Variants in KHDRBS2 observed in about 807,000 individuals in gnomAD.
KHDRBS2 encodes the protein KH domain-containing, RNA-binding, signal transduction-associated protein 2.
In KHDRBS2, 26 loss-of-function variants were observed where a neutral mutation model predicts 44.3. That is an observed-to-expected ratio of 0.59 (90% CI 0.43 to 0.81). The LOEUF is 0.81. Ranked by LOEUF, KHDRBS2 falls within the 40% of genes least tolerant of loss-of-function variation. The probability of loss-of-function intolerance (pLI) is 0.00; values close to 1 mark genes in which losing one functional copy is unlikely to be tolerated. For missense variants in KHDRBS2, 476 were observed against 433.1 expected (o/e 1.10, Z -0.88); for synonymous variants, 194 against 151.1 (o/e 1.28, Z -2.08).
chr6:61,994,285 T>C (rs989970696), intron 3 of KHDRBS2, among the ~76,000 whole-genome samples: 2 of 152,190 alleles, frequency 1.3e-5, no homozygotes, highest in South Asian at 4.1e-4. Context: ...TTGACCAGAA[T>C]AGGCATTGGG....
intron 1 of KHDRBS2, among the ~76,000 whole-genome samples, chr6:62,244,840 A>C (rs1400354658): frequency 6.6e-6 from 1 of 152,082 alleles, no homozygotes; most frequent in Non-Finnish European, 1.5e-5. Flanking sequence ...TTCACATTGT[A>C]TCTGCAGACG....
At chr6:62,163,021 G>C (rs1008129908) in intron 2 of KHDRBS2, among the ~76,000 whole-genome samples, 1 of 151,946 alleles carries the variant, frequency 6.6e-6, no homozygotes, top group Non-Finnish European at 1.5e-5. Flanking sequence ...GAGAGGTCTT[G>C]GCTGGATCAG....
the KHDRBS2 span, among the ~76,000 whole-genome samples, chr6:61,627,909 C>T: frequency 1.2e-4 from 19 of 152,174 alleles, no homozygotes; most frequent in African/African-American, 2.4e-4. Context: ...AAAACATAGC[C>T]GGTTGGTCCC....
chr6:61,938,366 G>A (rs1032629978), intron 4 of KHDRBS2, among the ~76,000 whole-genome samples: 1 of 152,126 alleles, frequency 6.6e-6, no homozygotes, highest in African/African-American at 2.4e-5. Flanking sequence ...AGTGTTTCCA[G>A]TTAAAAGAAA....
chr6:61,732,399 A>G (rs972716352), intron 7 of KHDRBS2, among the ~76,000 whole-genome samples: 6 of 152,124 alleles, frequency 3.9e-5, no homozygotes, highest in Admixed American at 6.6e-5. Context: ...TTTTAAAAAA[A>G]TCTAAAAATA....
At chr6:61,585,770 G>T in the KHDRBS2 span, among the ~76,000 whole-genome samples, 1 of 152,038 alleles carries the variant, frequency 6.6e-6, no homozygotes, top group South Asian at 2.1e-4. Flanking sequence ...ACCTCACATA[G>T]TTCATTGCTT....
intron 1 of KHDRBS2, among the ~76,000 whole-genome samples, chr6:62,178,304 G>C (rs997763251): frequency 5.0e-4 from 76 of 151,516 alleles, no homozygotes; most frequent in African/African-American, 1.7e-3. Context: ...TCTTGGAATA[G>C]AAGAAGCAAG....
At chr6:61,767,901 T>C (rs997297141) in intron 6 of KHDRBS2, among the ~76,000 whole-genome samples, 1 of 152,162 alleles carries the variant, frequency 6.6e-6, no homozygotes, top group African/African-American at 2.4e-5. Flanking sequence ...AAGATATGAA[T>C]TATTTATACA....
At chr6:61,983,438 T>C (rs1213440127) in intron 3 of KHDRBS2, among the ~76,000 whole-genome samples, 1 of 151,860 alleles carries the variant, frequency 6.6e-6, no homozygotes, top group Non-Finnish European at 1.5e-5. Context: ...ACTGGCCTGA[T>C]ACTTAGATTA....
chr6:61,641,291 C>T, the KHDRBS2 span, among the ~76,000 whole-genome samples: 1 of 152,198 alleles, frequency 6.6e-6, no homozygotes, highest in Non-Finnish European at 1.5e-5. Context: ...AAAGCTTTCA[C>T]TGGCTCACCA....
chr6:61,868,140 C>G (rs758819784), intron 6 of KHDRBS2, among the ~76,000 whole-genome samples: 1 of 151,874 alleles, frequency 6.6e-6, no homozygotes, highest in Non-Finnish European at 1.5e-5. Context: ...AGGTGTAACT[C>G]AAGCAGGGGT....
intron 2 of KHDRBS2, among the ~76,000 whole-genome samples, chr6:62,127,553 T>C (rs1809260017): frequency 6.6e-6 from 1 of 151,528 alleles, no homozygotes; most frequent in Non-Finnish European, 1.5e-5. Context: ...AATAATGGTT[T>C]TTACTACACT....
chr6:62,102,332 T>C (rs1024988469), intron 2 of KHDRBS2, among the ~76,000 whole-genome samples: 5 of 152,264 alleles, frequency 3.3e-5, no homozygotes, highest in Admixed American at 6.5e-5. Context: ...TCAACTGACT[T>C]ATAGTTCCAG....
At chr6:61,974,225 T>A (rs1374088143) in intron 4 of KHDRBS2, among the ~76,000 whole-genome samples, 5 of 152,184 alleles carry the variant, frequency 3.3e-5, no homozygotes, top group Non-Finnish European at 5.9e-5. Flanking sequence ...ATAGGAAAGT[T>A]GTATTCATGG....
intron 6 of KHDRBS2, among the ~76,000 whole-genome samples, chr6:61,869,900 G>A (rs548621754): frequency 6.6e-6 from 1 of 151,728 alleles, no homozygotes; most frequent in South Asian, 2.1e-4. Flanking sequence ...TGCCACCAGG[G>A]CCTTGGGTTT....
intron 3 of KHDRBS2, among the ~76,000 whole-genome samples, chr6:62,002,249 T>G (rs1191760575): frequency 6.6e-6 from 1 of 151,974 alleles, no homozygotes; most frequent in Non-Finnish European, 1.5e-5. Context: ...TTCCTATTAC[T>G]AAGAATAAAT....
At chr6:62,021,421 A>C (rs1782283323) in intron 3 of KHDRBS2, among the ~76,000 whole-genome samples, 1 of 151,912 alleles carries the variant, frequency 6.6e-6, no homozygotes, top group Non-Finnish European at 1.5e-5. Flanking sequence ...TTAAAAAAAT[A>C]AAAATAAAAA....
chr6:62,213,494 A>C (rs2150146701), intron 1 of KHDRBS2, among the ~76,000 whole-genome samples: 1 of 152,306 alleles, frequency 6.6e-6, no homozygotes, highest in South Asian at 2.1e-4. Context: ...AAAGGCTTTC[A>C]GCAGGGATAG....
intron 2 of KHDRBS2, among the ~76,000 whole-genome samples, chr6:62,150,105 G>A (rs1814805006): frequency 6.6e-6 from 1 of 152,002 alleles, no homozygotes; most frequent in Admixed American, 6.6e-5. Context: ...TCAGTATAAG[G>A]GAGTCTTAGA....
Sources: allele counts gnomAD v4.1 joint callset (sites outside exome capture counted in the v4.1 genomes callset), GRCh38; gene constraint gnomAD v4.1.1; transcripts MANE v1.5; gene names NCBI Gene and HGNC (gene_info 2026-07-23, HGNC 2026-07-21).